The following LRGUK variants were observed in gnomAD, a reference collection of about 807,000 sequenced individuals.
LRGUK encodes leucine-rich repeat and guanylate kinase domain-containing protein.
In LRGUK, 65 loss-of-function variants were observed where a neutral mutation model predicts 76.0. The observed-to-expected ratio is 0.85, with a 90% CI of 0.70 to 1.05. The LOEUF (loss-of-function observed/expected upper bound fraction) is 1.05, where lower values mean the gene tolerates loss of function less well. LRGUK is among the 50% of genes least tolerant of loss of function. The probability of loss-of-function intolerance (pLI) is 0.00; values close to 1 mark genes in which losing one functional copy is unlikely to be tolerated. For missense variants in LRGUK, 758 were observed against 732.8 expected (o/e 1.03, Z -0.40); for synonymous variants, 268 against 265.6 (o/e 1.01, Z -0.09).
chr7:134,271,664 T>G, the LRGUK span, among the ~76,000 whole-genome samples: 1 of 152,002 alleles, frequency 6.6e-6, no homozygotes, highest in Non-Finnish European at 1.5e-5. Context: ...GAGGTTTCTC[T>G]TTTTTTATGA....
Position 134,136,878 on chromosome 7 carries a change from C to T in LRGUK, c.298-145C>T. On this transcript the variant is annotated intron_variant, in intron 1 of 15. Coordinates refer to ENST00000645682, the Ensembl canonical transcript of LRGUK. ...ATGTAATATGTATATGTTATCAACA[C>T]AGAATTTTTTTGGGGGTTGGTAAAT... 4.9e-6 allele frequency: 3 copies of T among 615,548 alleles called. No individual in the cohort carries two copies. In the South Asian group the frequency reaches 6.3e-5, roughly 13 times the overall value. The allele number at this position is 615,548 out of a possible 1,614,324, so 38.1% of individuals were successfully genotyped here. A position where few individuals can be genotyped will look rare whatever the true frequency, so the allele number is the denominator to read the frequency against.
At chr7:134,133,221 A>G (rs777824127) in intron 1 of LRGUK, among the ~76,000 whole-genome samples, 21 of 152,094 alleles carry the variant, frequency 1.4e-4, no homozygotes, top group Non-Finnish European at 2.6e-4. Flanking sequence ...CGTTCTCTCA[A>G]TGGGCCATGC....
intron 14 of LRGUK, among the ~76,000 whole-genome samples, chr7:134,200,065 C>G (rs1414398626): frequency 7.2e-6 from 1 of 138,084 alleles, no homozygotes; most frequent in Admixed American, 7.7e-5. Context: ...GAGTCTCGCT[C>G]TGTCACCCAG....
intron 6 of LRGUK, among the ~76,000 whole-genome samples, chr7:134,159,912 G>C (rs1360259739): frequency 6.6e-6 from 1 of 152,190 alleles, no homozygotes; most frequent in East Asian, 1.9e-4. Context: ...TAATTTTCCT[G>C]ATCTTTCATG....
intron 16 of LRGUK, among the ~76,000 whole-genome samples, chr7:134,241,832 G>T (rs1431304187): frequency 6.6e-6 from 1 of 152,140 alleles, no homozygotes; most frequent in East Asian, 1.9e-4. Context: ...AAATGTAAAA[G>T]AACAGAAATT....
intron 16 of LRGUK, among the ~76,000 whole-genome samples, chr7:134,243,034 G>C (rs924013681): frequency 1.3e-5 from 2 of 152,094 alleles, no homozygotes; most frequent in Non-Finnish European, 2.9e-5. Flanking sequence ...CAATAAACTA[G>C]TTATTGATGG....
rs74559982 is a variant in LRGUK at position 134,207,743 on chromosome 7, C to A, written c.1844-964C>A. Among the ~76,000 whole-genome samples the A allele has an allele frequency of 1.5e-4, 23 of 152,314 alleles. No individual in the cohort carries two copies. The East Asian group carries it at 3.3e-3, about 22-fold the overall frequency. ...GGGTTGGAGTCGCTGAGTATCAGAT[C>A]TCCCCCAAAGTGAGCTGAGACTAGC... On this transcript the variant is annotated intron_variant, in intron 15 of 15. Transcript: ENST00000645682.
intron 4 of LRGUK, among the ~76,000 whole-genome samples, chr7:134,144,327 C>CG (rs991074123): frequency 8.1e-4 from 124 of 152,206 alleles, no homozygotes; most frequent in African/African-American, 3.0e-3. Context: ...TTTGTAGAGG[C>CG]GGGGTTTCAC....
chr7:134,134,497 C>T (rs1289672402), intron 1 of LRGUK, among the ~76,000 whole-genome samples: 1 of 152,124 alleles, frequency 6.6e-6, no homozygotes, highest in East Asian at 1.9e-4. Flanking sequence ...ATGTCAGGAA[C>T]ATCAGGAGGT....
chr7:134,193,928 C>A (rs938351334), intron 12 of LRGUK, among the ~76,000 whole-genome samples: 1 of 152,146 alleles, frequency 6.6e-6, no homozygotes, highest in African/African-American at 2.4e-5. Context: ...TGTACACCTT[C>A]CCCCACACAG....
At chr7:134,138,954 A>G (rs16874411) in intron 2 of LRGUK, among the ~76,000 whole-genome samples, 19,995 of 152,182 alleles carry the variant, frequency 0.13, 1,611 homozygotes, top group East Asian at 0.32. Flanking sequence ...GTGTTTGATC[A>G]GATGAGATTA....
At chr7:134,200,602 G>A (rs1275073039) in intron 14 of LRGUK, among the ~76,000 whole-genome samples, 1 of 152,130 alleles carries the variant, frequency 6.6e-6, no homozygotes, top group Non-Finnish European at 1.5e-5. Flanking sequence ...TGAACTAGAT[G>A]GACAGGGGAC....
At chr7:134,134,290 T>G (rs1797436295) in intron 1 of LRGUK, among the ~76,000 whole-genome samples, 1 of 152,184 alleles carries the variant, frequency 6.6e-6, no homozygotes, top group South Asian at 2.1e-4. Context: ...GTGGAGCAGT[T>G]TAGCATGATG....
intron 3 of LRGUK, chr7:134,141,601 C>G (rs1797768160): frequency 6.6e-6 from 1 of 152,220 alleles, no homozygotes; most frequent in African/African-American, 2.4e-5. Context: ...CTCACCATCT[C>G]TTTGTCTCTA....
intron 16 of LRGUK, among the ~76,000 whole-genome samples, chr7:134,225,945 C>A (rs750754051): frequency 3.8e-4 from 58 of 152,170 alleles, no homozygotes; most frequent in Non-Finnish European, 6.9e-4. Flanking sequence ...ATTTCACATA[C>A]CCCTCACTGC....
chr7:134,208,867 C>T, exon 16 of LRGUK: 1 of 398,954 alleles, frequency 2.5e-6, no homozygotes. Flanking sequence ...TAACTCCTGC[C>T]CAGAACCAAG....
intron 5 of LRGUK, among the ~76,000 whole-genome samples, chr7:134,154,849 C>T (rs1337531938): frequency 6.6e-6 from 1 of 152,202 alleles, no homozygotes; most frequent in Admixed American, 6.5e-5. Flanking sequence ...GCCAAGGGAA[C>T]TGTGGTTAGC....
chr7:134,177,178 A>T, intron 9 of LRGUK, 115 bp downstream of exon 9: 1 of 615,102 alleles, frequency 1.6e-6, no homozygotes. Flanking sequence ...AACAATATGT[A>T]CATTAATTCA....
chr7:134,245,524 G>T (rs1802279135), intron 16 of LRGUK, among the ~76,000 whole-genome samples: 1 of 152,194 alleles, frequency 6.6e-6, no homozygotes, highest in African/African-American at 2.4e-5. Flanking sequence ...GGGGTTTGAG[G>T]AGATACCCTG....
Sources: gnomAD v4.1 joint callset for allele counts (sites outside exome capture counted in the v4.1 genomes callset) on GRCh38, gnomAD v4.1.1 for gene constraint, MANE v1.5 for transcripts, NCBI Gene and HGNC (gene_info 2026-07-23, HGNC 2026-07-21) for gene names.